Variants in SH3GL3 observed in about 807,000 individuals in gnomAD.
SH3GL3 encodes the protein SH3 domain containing GRB2 like 3, endophilin A3.
A neutral mutation model predicts 47.7 loss-of-function variants in SH3GL3; 33 were observed. The observed-to-expected ratio is 0.69, with a 90% CI of 0.52 to 0.92. The LOEUF (loss-of-function observed/expected upper bound fraction) is 0.92, where lower values mean the gene tolerates loss of function less well. SH3GL3 is among the 40% of genes least tolerant of loss of function. The probability of loss-of-function intolerance (pLI) is 0.00; values close to 1 mark genes in which losing one functional copy is unlikely to be tolerated. For synonymous variants in SH3GL3, 155 were observed against 148.8 expected, an observed-to-expected ratio of 1.04 and a Z score of -0.30; for missense variants, 363 against 417.8, an observed-to-expected ratio of 0.87 and a Z score of 1.14.
intron 1 of SH3GL3, among the ~76,000 whole-genome samples, chr15:83,503,614 T>C (rs1345840067): frequency 6.6e-6 from 1 of 152,212 alleles, no homozygotes; most frequent in Non-Finnish European, 1.5e-5. Flanking sequence ...ATGAGGGAAC[T>C]GAGGCACAAA....
chr15:83,610,746 T>G (rs1166622489), intron 8 of SH3GL3, among the ~76,000 whole-genome samples: 1 of 152,112 alleles, frequency 6.6e-6, no homozygotes, highest in African/African-American at 2.4e-5. Flanking sequence ...TAGTGGTACC[T>G]ACTCATAGGA....
chr15:83,478,249 A>G (rs1461896253), intron 1 of SH3GL3, among the ~76,000 whole-genome samples: 1 of 152,218 alleles, frequency 6.6e-6, no homozygotes. Context: ...TACATGAGTC[A>G]TAGTTACATC....
chr15:83,470,817 T>C (rs1422918258), intron 1 of SH3GL3, among the ~76,000 whole-genome samples: 1 of 152,188 alleles, frequency 6.6e-6, no homozygotes. Context: ...GTCGTGGCTG[T>C]TCACATGTGT....
chr15:83,577,783 G>A (rs895273985), intron 6 of SH3GL3, among the ~76,000 whole-genome samples: 3 of 152,208 alleles, frequency 2.0e-5, no homozygotes, highest in African/African-American at 7.2e-5. Flanking sequence ...ACTGGCTTTT[G>A]TATGTGAGGC....
chr15:83,482,370 T>G (rs2041397117), intron 1 of SH3GL3, among the ~76,000 whole-genome samples: 1 of 152,172 alleles, frequency 6.6e-6, no homozygotes, highest in African/African-American at 2.4e-5. Context: ...TAGGCTTTAC[T>G]TTTTATATAT....
intron 3 of SH3GL3, among the ~76,000 whole-genome samples, chr15:83,566,487 G>A (rs979059769): frequency 2.0e-5 from 3 of 152,004 alleles, no homozygotes; most frequent in Non-Finnish European, 1.5e-5. Context: ...TCAAAAGTCC[G>A]GCACTGGCCA....
chr15:83,461,469 TC>T (rs1480602187), intron 1 of SH3GL3, among the ~76,000 whole-genome samples: 1 of 152,198 alleles, frequency 6.6e-6, no homozygotes, highest in Non-Finnish European at 1.5e-5. Context: ...TATTTTATTT[TC>T]CAGATTTAAG....
In SH3GL3 at chr15:83,472,953, G is replaced by T. The variant is rs537602398; in HGVS notation, c.45+25375G>T. ...AAGGTGGGGTCTCATTATTGCTGAG[G>T]GGGAGCGAGAGTTCCGGCCATTAGG... On this transcript the variant is annotated intron_variant, in intron 1 of 8. Coordinates refer to ENST00000427482, the MANE Select transcript of SH3GL3 (RefSeq NM_003027.5). 1.2e-4 allele frequency among the ~76,000 whole-genome samples: 18 copies of T among 152,248 alleles called. No individual in the cohort carries two copies. In the South Asian group the frequency reaches 3.7e-3, roughly 32 times the overall value.
At chr15:83,457,440 C>G (rs534978044) in intron 1 of SH3GL3, among the ~76,000 whole-genome samples, 1 of 152,316 alleles carries the variant, frequency 6.6e-6, no homozygotes, top group Non-Finnish European at 1.5e-5. Context: ...ACTTTTCCCC[C>G]TTTCTCTTTT....
At chr15:83,574,509 T>C (rs1047916757) in intron 5 of SH3GL3, among the ~76,000 whole-genome samples, 2 of 152,128 alleles carry the variant, frequency 1.3e-5, no homozygotes, top group Non-Finnish European at 2.9e-5. Flanking sequence ...GTCTGTTGGC[T>C]TCTTCCTGTT....
chr15:83,459,300 A>G (rs2040155765), intron 1 of SH3GL3, among the ~76,000 whole-genome samples: 1 of 152,216 alleles, frequency 6.6e-6, no homozygotes, highest in Non-Finnish European at 1.5e-5. Flanking sequence ...TCCTTTAGCA[A>G]CACCCTTACA....
intron 1 of SH3GL3, among the ~76,000 whole-genome samples, chr15:83,546,303 C>A (rs943046644): frequency 1.3e-5 from 2 of 151,910 alleles, no homozygotes; most frequent in African/African-American, 2.4e-5. Context: ...TCTGCCCAGA[C>A]AATCACTGCC....
intron 6 of SH3GL3, among the ~76,000 whole-genome samples, chr15:83,577,830 G>A (rs1432669323): frequency 6.6e-6 from 1 of 152,216 alleles, no homozygotes; most frequent in African/African-American, 2.4e-5. Context: ...ATGAAAAGTC[G>A]AGGTCATGTA....
intron 1 of SH3GL3, among the ~76,000 whole-genome samples, chr15:83,485,273 GA>G (rs2041542967): frequency 6.6e-6 from 1 of 152,152 alleles, no homozygotes; most frequent in South Asian, 2.1e-4. Context: ...ATTTTGGGAT[GA>G]AATAGTTTTA....
chr15:83,610,581 G>A (rs1176523648), intron 8 of SH3GL3, among the ~76,000 whole-genome samples: 1 of 152,000 alleles, frequency 6.6e-6, no homozygotes, highest in African/African-American at 2.4e-5. Flanking sequence ...AAAAAGAGTG[G>A]GGATAAGACC....
intron 1 of SH3GL3, among the ~76,000 whole-genome samples, chr15:83,508,308 G>A (rs948565384): frequency 1.1e-4 from 17 of 152,090 alleles, no homozygotes; most frequent in African/African-American, 3.9e-4. Flanking sequence ...ACGAAGACTT[G>A]GAGGTAAGGA....
chr15:83,529,487 T>A (rs2043569447), intron 1 of SH3GL3, among the ~76,000 whole-genome samples: 1 of 151,408 alleles, frequency 6.6e-6, no homozygotes, highest in South Asian at 2.1e-4. Flanking sequence ...TCCCCAGGAG[T>A]ACAAAGATAC....
intron 6 of SH3GL3, among the ~76,000 whole-genome samples, chr15:83,578,616 C>G (rs1455719615): frequency 6.6e-6 from 1 of 151,874 alleles, no homozygotes; most frequent in African/African-American, 2.4e-5. Context: ...CATTAAACCA[C>G]TGAGGCCTGA....
At chr15:83,449,985 A>G (rs1390538419) in intron 1 of SH3GL3, among the ~76,000 whole-genome samples, 2 of 152,264 alleles carry the variant, frequency 1.3e-5, no homozygotes, top group Non-Finnish European at 2.9e-5. Context: ...AGCAGGTTTT[A>G]ATTCATACAG....
Sources: gnomAD v4.1 joint callset for allele counts (sites outside exome capture counted in the v4.1 genomes callset) on GRCh38, gnomAD v4.1.1 for gene constraint, MANE v1.5 for transcripts, NCBI Gene and HGNC (gene_info 2026-07-23, HGNC 2026-07-21) for gene names.